ANKRD44: variants seen among roughly 807,000 people sequenced by gnomAD.
ANKRD44 encodes the protein ankyrin repeat domain 44, also known as serine/threonine-protein phosphatase 6 regulatory ankyrin repeat subunit B.
Under a neutral mutation model 116.0 loss-of-function variants are expected in ANKRD44, and 35 were observed. The observed-to-expected ratio is 0.30, with a 90% CI of 0.23 to 0.40. ANKRD44 has a LOEUF of 0.40. ANKRD44 is among the 10% of genes least tolerant of loss of function. ANKRD44 has a pLI of 1.00. For synonymous variants in ANKRD44, 435 were observed against 461.8 expected (o/e 0.94, Z 0.74); for missense variants, 1,014 against 1,242.6 (o/e 0.82, Z 2.77).
intron 21 of ANKRD44, among the ~76,000 whole-genome samples, chr2:196,971,121 A>C (rs1459217669): frequency 6.6e-6 from 1 of 152,132 alleles, no homozygotes; most frequent in Non-Finnish European, 1.5e-5. Flanking sequence ...TTCACTTAAC[A>C]TTATGTCATG....
At chr2:197,207,082 C>T (rs985865376) in intron 1 of ANKRD44, among the ~76,000 whole-genome samples, 1 of 152,102 alleles carries the variant, frequency 6.6e-6, no homozygotes, top group Non-Finnish European at 1.5e-5. Flanking sequence ...CTAAATGTGG[C>T]CGTGCACTAA....
intron 2 of ANKRD44, among the ~76,000 whole-genome samples, chr2:197,177,447 C>T (rs2080393052): frequency 6.6e-6 from 1 of 152,176 alleles, no homozygotes; most frequent in Non-Finnish European, 1.5e-5. Flanking sequence ...TTATGCTTGT[C>T]ACCGTGAGTA....
chr2:197,310,659 G>A lies in ANKRD44; in HGVS notation c.-55C>T. On this transcript the variant is annotated 5_prime_UTR_variant, in exon 1 of 28. Transcript: ENST00000282272. Reference sequence around the variant, plus strand: ...CAGGTCCCCGGCCCGCAGATGTCACGCCGGGAGCCGGGGAAGCGGAAGGGA... The same window carrying A: ...CAGGTCCCCGGCCCGCAGATGTCACACCGGGAGCCGGGGAAGCGGAAGGGA... The A allele has an allele frequency of 1.5e-6, 2 of 1,311,926 alleles. No individual in the cohort carries two copies. The allele number at this position is 1,311,926 out of a possible 1,614,324, so 81.3% of individuals were successfully genotyped here.
chr2:197,252,131 A>G (rs754980875), intron 1 of ANKRD44, among the ~76,000 whole-genome samples: 6 of 152,170 alleles, frequency 3.9e-5, no homozygotes, highest in African/African-American at 1.4e-4. Context: ...TGTTTTGCTT[A>G]AATAGGAAAA....
rs1345701272 is a variant in ANKRD44, at chr2:197,273,971, AAAAAAAAAAATATATATATATATATATAT to A, written c.27+36578_27+36606del. On this transcript the variant is annotated intron_variant, in intron 1 of 27. Coordinates refer to ENST00000282272, the MANE Select transcript of ANKRD44 (RefSeq NM_001195144.2). ...TAGTCAACCAACCACAAAAAAAAAA[AAAAAAAAAAATATATATATATATATATAT>A]ATATATATATATATATATATATATA... Among the ~76,000 whole-genome samples the A allele has an allele frequency of 1.0e-3, 78 of 76,356 alleles. 6 individuals are homozygous for A. The highest frequency in any genetic ancestry group is 7.7e-3 in the Admixed American group (50 of 6,472). 50.1% of individuals were successfully genotyped at this position (76,356 alleles called of 152,430 possible).
At chr2:197,221,250 CA>C (rs71395676) in intron 1 of ANKRD44, among the ~76,000 whole-genome samples, 2,744 of 131,258 alleles carry the variant, frequency 0.021, 74 homozygotes, top group African/African-American at 0.066. Context: ...GACTCCATCT[CA>C]AAAAAAAAAA....
At chr2:197,038,103 C>T (rs2076840029) in intron 16 of ANKRD44, among the ~76,000 whole-genome samples, 1 of 152,088 alleles carries the variant, frequency 6.6e-6, no homozygotes, top group South Asian at 2.1e-4. Flanking sequence ...TTTTTCCAAA[C>T]CCACAGAATG....
At chr2:197,173,173 C>G (rs1574198763) in intron 2 of ANKRD44, among the ~76,000 whole-genome samples, 1 of 152,184 alleles carries the variant, frequency 6.6e-6, no homozygotes, top group South Asian at 2.1e-4. Context: ...TTTCTATAAG[C>G]AAAATGCAAA....
At position 197,273,843 on chromosome 2, in the gene ANKRD44, TC is replaced by T. The variant is rs574115824; in HGVS notation, c.27+36734del. Among the ~76,000 whole-genome samples, 665 of 151,154 alleles carry T rather than the reference TC, an allele frequency of 4.4e-3. 2 individuals carry two copies. The highest frequency in any genetic ancestry group is 7.0e-3 in the Non-Finnish European group (478 of 67,916). ...ACAAAACAAGCAGCTCTCAGGCATG[TC>T]AAGGATTTTAAAAATTAATTCCTTA... On this transcript the variant is annotated intron_variant, in intron 1 of 27. Transcript: ENST00000282272.
intron 4 of ANKRD44, 148 bp from the exon 5 acceptor site, chr2:197,126,185 G>A (rs2918628): frequency 0.96 from 658,024 of 684,118 alleles, 316,988 homozygotes; most frequent in East Asian, 1. Flanking sequence ...GTAATATTTG[G>A]TAAAGATCAA....
At chr2:196,994,456 G>A (rs2075975593) in intron 26 of ANKRD44, 1 of 151,938 alleles carries the variant, frequency 6.6e-6, no homozygotes, top group South Asian at 2.1e-4. Context: ...AAAGTGCCGG[G>A]ATTATAGGCA....
At chr2:197,046,334 AAATCTTTCTAGTAATTTAAATCAAATATT>A (rs1295931044) in intron 16 of ANKRD44, among the ~76,000 whole-genome samples, 3 of 152,190 alleles carry the variant, frequency 2.0e-5, no homozygotes, top group Admixed American at 6.5e-5. Context: ...GTAATCGGCA[AAATCTTTCTAGTAATTTAAATCAAATATT>A]AATCTTTCTA....
At chr2:197,270,505 A>G (rs1223762912) in intron 1 of ANKRD44, among the ~76,000 whole-genome samples, 1 of 152,172 alleles carries the variant, frequency 6.6e-6, no homozygotes, top group African/African-American at 2.4e-5. Context: ...GGGGATGGAA[A>G]GGTAAGGTGG....
chr2:197,179,162 C>G (rs897390301), intron 2 of ANKRD44, among the ~76,000 whole-genome samples: 2 of 152,162 alleles, frequency 1.3e-5, no homozygotes, highest in African/African-American at 4.8e-5. Flanking sequence ...ACTACTTTGT[C>G]TATTCCTGTG....
At chr2:197,305,000 T>C (rs2084025171) in intron 1 of ANKRD44, among the ~76,000 whole-genome samples, 1 of 152,226 alleles carries the variant, frequency 6.6e-6, no homozygotes, top group Admixed American at 6.5e-5. Flanking sequence ...TCTATGTGAA[T>C]ATATGATGAC....
intron 1 of ANKRD44, among the ~76,000 whole-genome samples, chr2:197,269,637 G>A (rs2082841928): frequency 6.6e-6 from 1 of 152,268 alleles, no homozygotes. Flanking sequence ...GCTCTTGGTG[G>A]CATTTCTTTA....
chr2:197,264,783 G>C (rs1411320798), intron 1 of ANKRD44, among the ~76,000 whole-genome samples: 5 of 152,114 alleles, frequency 3.3e-5, no homozygotes, highest in African/African-American at 7.2e-5. Context: ...TCCTGAGGGT[G>C]ATTAGAAAAT....
At chr2:197,056,493 T>C (rs771438304) in intron 16 of ANKRD44, among the ~76,000 whole-genome samples, 1 of 152,184 alleles carries the variant, frequency 6.6e-6, no homozygotes, top group Non-Finnish European at 1.5e-5. Context: ...GTAAGTGATA[T>C]CTTTTTAAAA....
intron 2 of ANKRD44, among the ~76,000 whole-genome samples, chr2:197,149,104 T>G (rs1314983711): frequency 6.6e-6 from 1 of 152,230 alleles, no homozygotes. Context: ...CCTCGCTATA[T>G]CTACTTAAAA....
Sources: gnomAD v4.1 joint callset for allele counts (sites outside exome capture counted in the v4.1 genomes callset) on GRCh38, gnomAD v4.1.1 for gene constraint, MANE v1.5 for transcripts, NCBI Gene and HGNC (gene_info 2026-07-23, HGNC 2026-07-21) for gene names.